The following SERPINE2 variants were observed in gnomAD, a reference collection of about 807,000 sequenced individuals.
SERPINE2 encodes glia-derived nexin.
Under a neutral mutation model 36.3 loss-of-function variants are expected in SERPINE2, and 14 were observed. That is an observed-to-expected ratio of 0.39 (90% CI 0.25 to 0.60). The LOEUF (loss-of-function observed/expected upper bound fraction) is 0.60. Among genes scored for constraint, SERPINE2 ranks in the 20% least tolerant of loss-of-function variants. The probability of loss-of-function intolerance (pLI) is 0.57; values close to 1 mark genes in which losing one functional copy is unlikely to be tolerated. For synonymous variants in SERPINE2, 192 were observed against 191.8 expected (o/e 1.00, Z -0.01); for missense variants, 418 against 499.6 (o/e 0.84, Z 1.56).
chr2:224,014,853 G>A (rs1247498819), intron 1 of SERPINE2, among the ~76,000 whole-genome samples: 1 of 152,218 alleles, frequency 6.6e-6, no homozygotes, highest in African/African-American at 2.4e-5. Context: ...GCCTGGCGCT[G>A]GGATGCTAGA....
intron 1 of SERPINE2, among the ~76,000 whole-genome samples, chr2:224,024,171 T>C (rs1692106461): frequency 6.6e-6 from 1 of 152,212 alleles, no homozygotes; most frequent in Non-Finnish European, 1.5e-5. Context: ...GAAGACAACT[T>C]CCACTTTAAG....
chr2:223,988,371 T>C (rs1175966096), intron 4 of SERPINE2, among the ~76,000 whole-genome samples: 1 of 151,682 alleles, frequency 6.6e-6, no homozygotes, highest in Non-Finnish European at 1.5e-5. Flanking sequence ...AGGGTCTCGC[T>C]ATGTTGCCGA....
chr2:223,975,819 T>C lies in SERPINE2; in HGVS notation c.*48A>G. 1 of 1,476,044 alleles carries C rather than the reference T, an allele frequency of 6.8e-7. No individual in the cohort carries two copies. The highest frequency in any genetic ancestry group is 9.2e-7 in the Non-Finnish European group (1 of 1,087,256). 91.4% of individuals were successfully genotyped at this position (1,476,044 alleles called of 1,614,324 possible). A position where few individuals can be genotyped will look rare whatever the true frequency, so the allele number is the denominator to read the frequency against. The stretch of plus-strand genomic sequence containing the variant: ...GAAAGATGCAGGAAAGGAGTCTTTC[T>C]TCGTAGCAAAGTAGTCGTTGCTTTG... On this transcript the variant is annotated 3_prime_UTR_variant, in exon 9 of 9. Transcript: ENST00000409304.
At chr2:223,992,983 G>C (rs1296433084) in intron 3 of SERPINE2, among the ~76,000 whole-genome samples, 1 of 152,044 alleles carries the variant, frequency 6.6e-6, no homozygotes. Context: ...TAGCCAGCTG[G>C]GTATGGTGGC....
chr2:224,034,549 A>G (rs1030259852), intron 1 of SERPINE2, among the ~76,000 whole-genome samples: 6 of 152,174 alleles, frequency 3.9e-5, no homozygotes, highest in Non-Finnish European at 8.8e-5. Flanking sequence ...TGGTGAGCCC[A>G]TGGAGCACTG....
intron 1 of SERPINE2, among the ~76,000 whole-genome samples, chr2:224,034,907 T>A (rs1005300907): frequency 6.6e-6 from 1 of 152,196 alleles, no homozygotes; most frequent in Non-Finnish European, 1.5e-5. Flanking sequence ...CTCAAAAGCA[T>A]CTTCAGAAAC....
At chr2:224,031,231 G>A in intron 1 of SERPINE2, 1 of 979,380 alleles carries the variant, frequency 1.0e-6, no homozygotes, top group Non-Finnish European at 1.2e-6. Context: ...TATTCACAGG[G>A]TGTGCCACTT....
chr2:223,998,260 C>T lies in SERPINE2; in HGVS notation c.342G>A (p.Val114=). The change falls in exon 3 of 9, where the codon GTG becomes GTA. Residue 114 remains valine (V), a synonymous_variant. Coordinates refer to ENST00000409304, the MANE Select transcript of SERPINE2 (RefSeq NM_001136528.2). ...CAATTTCAGAGGCATTCTTAACAAA[C>T]ACGGCGTTAGCCACTGTCACAATGT... is the stretch of plus-strand genomic sequence containing the variant. The part of the protein sequence containing the change: ...NKDIVTVANA[V]FVKNASEIEV... 1 of 1,614,216 alleles carries T rather than the reference C, an allele frequency of 6.2e-7. No homozygotes were observed.
chr2:224,012,796 G>A (rs747043671), intron 1 of SERPINE2, among the ~76,000 whole-genome samples: 16 of 152,098 alleles, frequency 1.1e-4, no homozygotes, highest in Non-Finnish European at 2.1e-4. Context: ...CAGGAACTGA[G>A]ACTCTGGAAT....
chr2:223,991,414 G>A (rs1690667309), intron 4 of SERPINE2, among the ~76,000 whole-genome samples: 1 of 152,146 alleles, frequency 6.6e-6, no homozygotes, highest in Non-Finnish European at 1.5e-5. Flanking sequence ...TTGCTGATCT[G>A]CTAAGTAAAA....
intron 1 of SERPINE2, among the ~76,000 whole-genome samples, chr2:224,018,572 C>T (rs1168395002): frequency 6.7e-6 from 1 of 149,816 alleles, no homozygotes; most frequent in Non-Finnish European, 1.5e-5. Flanking sequence ...CAAGCAGACT[C>T]TAAAACACAG....
At position 224,018,516 on chromosome 2, in the gene SERPINE2, G is replaced by A. The variant is rs116040081; in HGVS notation, c.-22-16594C>T. On this transcript the variant is annotated intron_variant, in intron 1 of 8. Coordinates refer to ENST00000409304, the MANE Select transcript of SERPINE2 (RefSeq NM_001136528.2). ...CTCCACTGGAAAGCCTGTAACAATG[G>A]TAACTGGAAGATGAGGTAATCCAGG... Among the ~76,000 whole-genome samples, 1,101 of 151,512 alleles carry A rather than the reference G, an allele frequency of 7.3e-3. 11 individuals are homozygous for A. The highest frequency in any genetic ancestry group is 0.025 in the African/African-American group (1,029 of 41,314).
intron 1 of SERPINE2, among the ~76,000 whole-genome samples, chr2:224,033,710 A>G (rs7562213): frequency 0.65 from 97,743 of 150,268 alleles, 31,956 homozygotes; most frequent in South Asian, 0.71. Flanking sequence ...CCATCACCAA[A>G]GTTAATAGAA....
Position 224,017,713 on chromosome 2 carries a change from T to G in SERPINE2, c.-22-15791A>C, listed in dbSNP as rs376555102. On this transcript the variant is annotated intron_variant, in intron 1 of 8. Coordinates refer to ENST00000409304, the MANE Select transcript of SERPINE2 (RefSeq NM_001136528.2). Reference sequence around the variant, plus strand: ...CATCTGAAAATCGGTGTAATAGTAGTTCTTACTTTAAGAGTTGTTATAAGG... The same window carrying G: ...CATCTGAAAATCGGTGTAATAGTAGGTCTTACTTTAAGAGTTGTTATAAGG... 1.2e-4 allele frequency among the ~76,000 whole-genome samples: 18 copies of G among 152,278 alleles called. No homozygotes were observed. The East Asian group carries it at 3.1e-3, about 26-fold the overall frequency.
chr2:223,998,138 G>C lies in SERPINE2; in HGVS notation c.464C>G (p.Ala155Gly). 6.2e-7 allele frequency: 1 copy of C among 1,614,070 alleles called. No individual in the cohort carries two copies. Among genetic ancestry groups the C allele is most frequent in the Non-Finnish European group, 8.5e-7 (1 of 1,179,918 alleles). Residue 155 changes from alanine to glycine, a missense_variant, in exon 3 of 9, where the codon GCA becomes GGA. Ala to Gly is a moderately conservative substitution (Grantham distance 60). Transcript: ENST00000409304. ...ACCCCTGGTTTCATTTTTAACCCAT[G>C]CATTGATGGAATCACAGGCAGAGGC... ...DPASACDSIN[A>G]WVKNETRDMI...
At chr2:224,002,025 G>A (rs536121188) in intron 1 of SERPINE2, 103 bp from the exon 2 acceptor site, 1 of 1,088,488 alleles carries the variant, frequency 9.2e-7, no homozygotes, top group African/African-American at 1.6e-5. Flanking sequence ...CACCCAGGCT[G>A]GAGTGAAGTG....
chr2:223,992,544 T>C (rs1309169956), intron 3 of SERPINE2, among the ~76,000 whole-genome samples: 1 of 152,174 alleles, frequency 6.6e-6, no homozygotes, highest in Non-Finnish European at 1.5e-5. Context: ...AAACATTATT[T>C]TGGAATCTCT....
chr2:223,988,600 GT>G (rs953325667), intron 4 of SERPINE2, among the ~76,000 whole-genome samples: 2 of 152,002 alleles, frequency 1.3e-5, no homozygotes, highest in Admixed American at 6.6e-5. Context: ...TATTCTTCAT[GT>G]TTTTTTTCCA....
intron 1 of SERPINE2, chr2:224,038,710 G>A: frequency 3.3e-6 from 2 of 605,984 alleles, no homozygotes; most frequent in South Asian, 2.0e-5. Flanking sequence ...GGTTGCCGGC[G>A]AGCAGCTGGA....
Sources: allele counts gnomAD v4.1 joint callset (sites outside exome capture counted in the v4.1 genomes callset), GRCh38; gene constraint gnomAD v4.1.1; transcripts MANE v1.5; gene names NCBI Gene and HGNC (gene_info 2026-07-23, HGNC 2026-07-21).